USH2A: variants seen among roughly 807,000 people sequenced by gnomAD.
USH2A encodes usherin.
USH2A carries 443 observed loss-of-function variants against 538.9 expected under a neutral mutation model. The observed-to-expected ratio is 0.82, with a 90% CI of 0.76 to 0.89. The LOEUF (loss-of-function observed/expected upper bound fraction) is 0.89. Ranked by LOEUF, USH2A falls within the 40% of genes least tolerant of loss-of-function variation. The pLI, the probability that USH2A is intolerant of heterozygous loss-of-function variation, is 0.00. For missense variants in USH2A, 6,633 were observed against 6,324.8 expected, an observed-to-expected ratio of 1.05 and a Z score of -1.65; for synonymous variants, 2,413 against 2,273.5, an observed-to-expected ratio of 1.06 and a Z score of -1.75.
intron 14 of USH2A, among the ~76,000 whole-genome samples, chr1:216,225,285 AC>A (rs1048186428): frequency 6.6e-6 from 1 of 152,174 alleles, no homozygotes; most frequent in African/African-American, 2.4e-5. Flanking sequence ...ATTAAAAAGA[AC>A]CCACTTTTAT....
chr1:215,646,471 C>T (rs1401017285), intron 67 of USH2A, among the ~76,000 whole-genome samples: 5 of 152,026 alleles, frequency 3.3e-5, no homozygotes, highest in Non-Finnish European at 5.9e-5. Flanking sequence ...AGCAAGACTG[C>T]AGAAATGATG....
At chr1:216,186,288 T>C (rs1358454330) in intron 20 of USH2A, among the ~76,000 whole-genome samples, 6 of 151,710 alleles carry the variant, frequency 4.0e-5, no homozygotes, top group Non-Finnish European at 7.4e-5. Flanking sequence ...CAATCCTTCA[T>C]GTTCCAGCTT....
chr1:216,319,438 T>C (rs894096671), intron 9 of USH2A, among the ~76,000 whole-genome samples: 3 of 152,220 alleles, frequency 2.0e-5, no homozygotes, highest in African/African-American at 4.8e-5. Context: ...TTCTAAAAGA[T>C]TTTTCCTCAT....
At chr1:216,026,653 T>C (rs904360302) in intron 32 of USH2A, among the ~76,000 whole-genome samples, 4 of 152,166 alleles carry the variant, frequency 2.6e-5, no homozygotes, top group Non-Finnish European at 4.4e-5. Context: ...TCTCCTACTA[T>C]ACACATATGC....
chr1:215,791,486 G>GT, intron 50 of USH2A, among the ~76,000 whole-genome samples: 1 of 152,096 alleles, frequency 6.6e-6, no homozygotes, highest in Non-Finnish European at 1.5e-5. Flanking sequence ...TAAGAAAGAT[G>GT]TTTATCCACA....
chr1:215,989,836 C>T (rs1667962971), intron 35 of USH2A, among the ~76,000 whole-genome samples: 2 of 151,886 alleles, frequency 1.3e-5, no homozygotes, highest in African/African-American at 2.4e-5. Context: ...TAACAAAAAT[C>T]CAGGGGGAGG....
chr1:216,416,996 C>T (rs2039587789), intron 3 of USH2A, among the ~76,000 whole-genome samples: 1 of 152,082 alleles, frequency 6.6e-6, no homozygotes, highest in African/African-American at 2.4e-5. Context: ...ATGGAAACTT[C>T]AAGACTAGGA....
Position 216,370,868 on chromosome 1 carries a change from T to C in USH2A, c.652-5783A>G, listed in dbSNP as rs910017116. ...CCTCTACCCAGTGATGATTCAGGATTGGTGTCACCACCTCCCACAATAGGA... is the reference window on the plus strand; with the variant it reads ...CCTCTACCCAGTGATGATTCAGGATCGGTGTCACCACCTCCCACAATAGGA... On this transcript the variant is annotated intron_variant, in intron 3 of 71. Transcript: ENST00000307340. Among the ~76,000 whole-genome samples, 42 of 152,118 alleles carry C rather than the reference T, an allele frequency of 2.8e-4. 1 individual carries two copies. Among genetic ancestry groups the C allele is most frequent in the African/African-American group, 9.2e-4 (38 of 41,412 alleles).
chr1:216,116,014 C>A (rs975526173), intron 21 of USH2A, among the ~76,000 whole-genome samples: 1 of 151,254 alleles, frequency 6.6e-6, no homozygotes, highest in Admixed American at 6.6e-5. Flanking sequence ...TAGGCTAAAG[C>A]AAAATGTTAG....
rs532355570 is a variant in USH2A, at chr1:215,779,757, C to T, written c.10939+86G>A. On this transcript the variant is annotated intron_variant, in intron 55 of 71. Coordinates refer to ENST00000307340, the MANE Select transcript of USH2A (RefSeq NM_206933.4). ...GTCCTTTCGAAGTGACCTCATATAT[C>T]AAACACACACCCCTGGGATGCTTTG... 4.0e-4 allele frequency: 604 copies of T among 1,524,798 alleles called. 1 individual carries two copies. The highest frequency in any genetic ancestry group is 7.0e-4 in the Admixed American group (39 of 55,640). The allele number at this position is 1,524,798 out of a possible 1,614,324, so 94.5% of individuals were successfully genotyped here.
At chr1:215,695,672 A>G (rs1658783628) in intron 61 of USH2A, among the ~76,000 whole-genome samples, 1 of 152,168 alleles carries the variant, frequency 6.6e-6, no homozygotes, top group Non-Finnish European at 1.5e-5. Flanking sequence ...CTGACCTCTG[A>G]GCAATGCAAG....
chr1:216,026,228 T>C (rs898825531), intron 32 of USH2A, among the ~76,000 whole-genome samples: 1 of 152,172 alleles, frequency 6.6e-6, no homozygotes, highest in African/African-American at 2.4e-5. Flanking sequence ...AAAACAAGCA[T>C]TTATTTCTAA....
chr1:215,895,736 C>T (rs1396241938), intron 40 of USH2A, among the ~76,000 whole-genome samples: 1 of 152,156 alleles, frequency 6.6e-6, no homozygotes, highest in Non-Finnish European at 1.5e-5. Context: ...TATAGCATGG[C>T]AATGGTACAG....
At chr1:215,707,129 A>C (rs1659204512) in intron 61 of USH2A, among the ~76,000 whole-genome samples, 1 of 152,178 alleles carries the variant, frequency 6.6e-6, no homozygotes, top group Non-Finnish European at 1.5e-5. Flanking sequence ...AAAGGATAGA[A>C]AGTGTGCTGA....
At chr1:216,175,708 C>T (rs879543381) in intron 20 of USH2A, among the ~76,000 whole-genome samples, 1 of 152,092 alleles carries the variant, frequency 6.6e-6, no homozygotes, top group Non-Finnish European at 1.5e-5. Flanking sequence ...ACAAAACTTT[C>T]AAATTAAATT....
At chr1:216,113,046 T>C (rs887951017) in intron 21 of USH2A, among the ~76,000 whole-genome samples, 1 of 149,840 alleles carries the variant, frequency 6.7e-6, no homozygotes, top group African/African-American at 2.5e-5. Flanking sequence ...TTTGAAATAA[T>C]CCCCCATTCC....
intron 4 of USH2A, among the ~76,000 whole-genome samples, chr1:216,335,492 T>C (rs925695080): frequency 1.3e-5 from 2 of 151,520 alleles, no homozygotes; most frequent in African/African-American, 4.8e-5. Flanking sequence ...CAACAAAAGT[T>C]GATTGTTAGA....
intron 37 of USH2A, among the ~76,000 whole-genome samples, chr1:215,958,560 G>GA (rs1667125072): frequency 6.6e-6 from 1 of 152,040 alleles, no homozygotes; most frequent in African/African-American, 2.4e-5. Flanking sequence ...AATTATAACA[G>GA]AAGAAAAAGT....
At chr1:215,994,887 G>A (rs1273195594) in intron 34 of USH2A, among the ~76,000 whole-genome samples, 1 of 152,054 alleles carries the variant, frequency 6.6e-6, no homozygotes, top group Non-Finnish European at 1.5e-5. Context: ...GGCCATATGA[G>A]ACAGCTGAGT....
Sources: allele counts gnomAD v4.1 joint callset (sites outside exome capture counted in the v4.1 genomes callset), GRCh38; gene constraint gnomAD v4.1.1; transcripts MANE v1.5; gene names NCBI Gene and HGNC (gene_info 2026-07-23, HGNC 2026-07-21).